Variants in ANKRD44 observed in about 807,000 individuals in gnomAD.
ANKRD44 encodes serine/threonine-protein phosphatase 6 regulatory ankyrin repeat subunit B.
A neutral mutation model predicts 116.0 loss-of-function variants in ANKRD44; 35 were observed. That is an observed-to-expected ratio of 0.30 (90% confidence interval 0.23 to 0.40). The LOEUF is 0.40. Ranked by LOEUF, ANKRD44 falls within the 10% of genes least tolerant of loss-of-function variation. ANKRD44 has a pLI of 1.00. For synonymous variants in ANKRD44, 435 were observed against 461.8 expected (o/e 0.94, Z 0.74); for missense variants, 1,014 against 1,242.6 (o/e 0.82, Z 2.77).
chr2:197,020,962 C>T (rs1339931629), intron 17 of ANKRD44, among the ~76,000 whole-genome samples: 1 of 152,034 alleles, frequency 6.6e-6, no homozygotes, highest in South Asian at 2.1e-4. Context: ...CCCCATCCCA[C>T]GACAGGCCCA....
intron 1 of ANKRD44, among the ~76,000 whole-genome samples, chr2:197,205,218 G>T (rs2081179466): frequency 6.6e-6 from 1 of 152,200 alleles, no homozygotes; most frequent in Non-Finnish European, 1.5e-5. Flanking sequence ...CCCAGTAATA[G>T]TATTGCTGGG....
intron 1 of ANKRD44, among the ~76,000 whole-genome samples, chr2:197,198,283 G>A (rs1190980506): frequency 6.6e-6 from 1 of 152,106 alleles, no homozygotes; most frequent in African/African-American, 2.4e-5. Context: ...TGGAACTGGG[G>A]GAGCAGTGGG....
intron 4 of ANKRD44, chr2:197,135,680 C>A (rs955867879): frequency 2.0e-5 from 3 of 152,300 alleles, no homozygotes; most frequent in Non-Finnish European, 4.4e-5. Context: ...AGATCCCTGT[C>A]CTCATGGAGC....
intron 1 of ANKRD44, among the ~76,000 whole-genome samples, chr2:197,239,991 C>T (rs1187984153): frequency 6.6e-6 from 1 of 152,114 alleles, no homozygotes; most frequent in Non-Finnish European, 1.5e-5. Context: ...ATAATATATG[C>T]ATTTTTGGTC....
At chr2:197,125,344 T>G in intron 6 of ANKRD44, 37 bp downstream of exon 6, 4 of 1,568,578 alleles carry the variant, frequency 2.6e-6, no homozygotes, top group Admixed American at 1.7e-5. Context: ...TTAGTTAAGG[T>G]TATCTGTACT....
intron 16 of ANKRD44, among the ~76,000 whole-genome samples, chr2:197,036,216 G>T (rs1035469788): frequency 6.6e-6 from 1 of 152,070 alleles, no homozygotes; most frequent in South Asian, 2.1e-4. Context: ...CATAAGCAAG[G>T]AGACATTACC....
At chr2:197,004,428 T>C (rs911435621) in intron 21 of ANKRD44, among the ~76,000 whole-genome samples, 1 of 152,024 alleles carries the variant, frequency 6.6e-6, no homozygotes, top group Non-Finnish European at 1.5e-5. Flanking sequence ...CAAGACAAGG[T>C]GCTCCCACAA....
chr2:197,099,640 C>G (rs2078242595), intron 10 of ANKRD44, 176 bp downstream of exon 10: 2 of 1,308,840 alleles, frequency 1.5e-6, no homozygotes, highest in South Asian at 2.4e-5. Context: ...ATTGGTTCTT[C>G]TTTGCCTCTG....
intron 16 of ANKRD44, among the ~76,000 whole-genome samples, chr2:197,034,897 T>C (rs1010306216): frequency 1.3e-5 from 2 of 152,194 alleles, no homozygotes; most frequent in African/African-American, 2.4e-5. Context: ...AGTCATGAAC[T>C]CTCTGGTTCA....
At chr2:196,967,084 T>C (rs1478116788) in exon 22 of ANKRD44, 2 of 157,566 alleles carry the variant, frequency 1.3e-5, no homozygotes, top group Non-Finnish European at 2.8e-5. Flanking sequence ...AGGAACACAA[T>C]TTAACAATGA....
chr2:197,061,751 G>A (rs1242480937), intron 16 of ANKRD44, among the ~76,000 whole-genome samples: 1 of 149,962 alleles, frequency 6.7e-6, no homozygotes. Flanking sequence ...TCCCAAACTA[G>A]GTTATAATCT....
intron 16 of ANKRD44, among the ~76,000 whole-genome samples, chr2:197,048,141 T>A (rs1040276410): frequency 3.9e-5 from 6 of 152,144 alleles, no homozygotes; most frequent in Non-Finnish European, 8.8e-5. Flanking sequence ...TATGAAAAAA[T>A]TTATTTTTAC....
Position 197,289,556 on chromosome 2 carries a change from T to A in ANKRD44, c.27+21022A>T, listed in dbSNP as rs557989206. On this transcript the variant is annotated intron_variant, in intron 1 of 27. Transcript: ENST00000282272. ...ATTTAGCAATAAGAAAGATTTTATC[T>A]CCTTATACACAAAACATGAACGAAT... 3.9e-5 allele frequency among the ~76,000 whole-genome samples: 6 copies of A among 152,338 alleles called. No homozygotes were observed. The East Asian group carries it at 1.2e-3, about 29-fold the overall frequency.
At chr2:197,038,695 A>C (rs562438108) in intron 16 of ANKRD44, among the ~76,000 whole-genome samples, 14 of 152,328 alleles carry the variant, frequency 9.2e-5, no homozygotes, top group African/African-American at 3.4e-4. Flanking sequence ...AAAATGCCAG[A>C]TCATGTGTTT....
At chr2:197,143,149 CTTTT>C (rs61628743) in intron 3 of ANKRD44, among the ~76,000 whole-genome samples, 1 of 139,352 alleles carries the variant, frequency 7.2e-6, no homozygotes. Flanking sequence ...TCTGTAGGAT[CTTTT>C]TTTTTTTTTT....
intron 16 of ANKRD44, among the ~76,000 whole-genome samples, chr2:197,048,493 T>C (rs548855361): frequency 6.4e-4 from 97 of 152,356 alleles, no homozygotes; most frequent in African/African-American, 2.2e-3. Context: ...TCCAGCTTCA[T>C]CCATGTCCCT....
intron 3 of ANKRD44, among the ~76,000 whole-genome samples, chr2:197,141,533 C>T (rs1423835781): frequency 6.6e-6 from 1 of 152,176 alleles, no homozygotes; most frequent in South Asian, 2.1e-4. Context: ...CCCACGCATG[C>T]TGAACCTCAT....
At chr2:197,047,678 G>A (rs992822773) in intron 16 of ANKRD44, among the ~76,000 whole-genome samples, 1 of 152,098 alleles carries the variant, frequency 6.6e-6, no homozygotes, top group Non-Finnish European at 1.5e-5. Context: ...TTGGGAGGCC[G>A]AGGCAGGTGG....
chr2:197,144,547 T>C (rs191287704), intron 3 of ANKRD44, among the ~76,000 whole-genome samples: 86 of 152,246 alleles, frequency 5.6e-4, no homozygotes, highest in Middle Eastern at 3.4e-3. Flanking sequence ...GTAAATAAAA[T>C]TGCTAAAAAA....
Sources: gnomAD v4.1 joint callset for allele counts (sites outside exome capture counted in the v4.1 genomes callset) on GRCh38, gnomAD v4.1.1 for gene constraint, MANE v1.5 for transcripts, NCBI Gene and HGNC (gene_info 2026-07-23, HGNC 2026-07-21) for gene names.